NBEA: variants seen among roughly 807,000 people sequenced by gnomAD.
NBEA encodes the protein lysosomal-trafficking regulator 2.
A neutral mutation model predicts 343.4 loss-of-function variants in NBEA; 44 were observed. The observed-to-expected ratio is 0.13, with a 90% CI of 0.10 to 0.16. NBEA has a LOEUF of 0.16. Among genes scored for constraint, NBEA ranks in the 10% least tolerant of loss-of-function variants. The pLI, the probability that NBEA is intolerant of heterozygous loss-of-function variation, is 1.00. For missense variants in NBEA, 2,555 were observed against 3,631.3 expected, an observed-to-expected ratio of 0.70 and a Z score of 7.62; for synonymous variants, 1,175 against 1,238.7, an observed-to-expected ratio of 0.95 and a Z score of 1.08.
At chr13:35,646,750 A>C (rs904283520) in intron 51 of NBEA, among the ~76,000 whole-genome samples, 3 of 152,216 alleles carry the variant, frequency 2.0e-5, no homozygotes, top group Non-Finnish European at 4.4e-5. Flanking sequence ...AGTTCATTTG[A>C]ATAAAAGGAA....
At chr13:35,179,508 A>G (rs1209883258) in intron 28 of NBEA, among the ~76,000 whole-genome samples, 1 of 151,516 alleles carries the variant, frequency 6.6e-6, no homozygotes, top group South Asian at 2.1e-4. Context: ...AATAAGAAGC[A>G]CAACTGACTA....
Position 35,636,179 on chromosome 13 carries a change from C to T in NBEA, c.7617+7931C>T, listed in dbSNP as rs1377937801. On this transcript the variant is annotated intron_variant, in intron 49 of 58. Transcript: ENST00000379939. ...ACCTCAGCATAAATTAACAATTATT[C>T]AAAACATATTGCATACTTCAATTTG... 2.6e-5 allele frequency among the ~76,000 whole-genome samples: 4 copies of T among 152,156 alleles called. No homozygotes were observed. In the East Asian group the frequency reaches 7.7e-4, roughly 29 times the overall value.
intron 1 of NBEA, among the ~76,000 whole-genome samples, chr13:34,960,657 T>C (rs1361761591): frequency 6.6e-6 from 1 of 152,108 alleles, no homozygotes; most frequent in South Asian, 2.1e-4. Flanking sequence ...ATTAATACTA[T>C]TGAATTATAA....
chr13:35,190,183 A>C (rs2072073064), intron 30 of NBEA, among the ~76,000 whole-genome samples: 1 of 152,162 alleles, frequency 6.6e-6, no homozygotes, highest in South Asian at 2.1e-4. Context: ...TTTAGTGAGA[A>C]AAGCCTGTCT....
chr13:35,213,207 C>T (rs1429773912), intron 33 of NBEA, among the ~76,000 whole-genome samples: 1 of 151,930 alleles, frequency 6.6e-6, no homozygotes, highest in Non-Finnish European at 1.5e-5. Context: ...GACCCAGCAC[C>T]ATTTATTTGA....
At chr13:35,650,975 T>C (rs1269433338) in intron 52 of NBEA, among the ~76,000 whole-genome samples, 1 of 152,180 alleles carries the variant, frequency 6.6e-6, no homozygotes, top group Admixed American at 6.5e-5. Flanking sequence ...TATTTTAAGG[T>C]TATTGGTGAT....
chr13:35,569,887 A>ATCTGGT (rs1186633677), intron 45 of NBEA, among the ~76,000 whole-genome samples: 1 of 152,262 alleles, frequency 6.6e-6, no homozygotes, highest in Non-Finnish European at 1.5e-5. Flanking sequence ...TATAGAAGGC[A>ATCTGGT]TCTGGTAACA....
chr13:35,160,493 A>AG (rs961120061), intron 22 of NBEA, among the ~76,000 whole-genome samples: 5 of 152,162 alleles, frequency 3.3e-5, no homozygotes, highest in African/African-American at 1.2e-4. Flanking sequence ...TGATAAATGA[A>AG]GGGGAAGGGA....
At chr13:35,085,635 G>A (rs1229895757) in intron 10 of NBEA, among the ~76,000 whole-genome samples, 1 of 152,056 alleles carries the variant, frequency 6.6e-6, no homozygotes, top group East Asian at 1.9e-4. Context: ...CATACTGAAT[G>A]GGCAAAAACT....
intron 32 of NBEA, among the ~76,000 whole-genome samples, chr13:35,209,258 G>T (rs1178766761): frequency 6.6e-6 from 1 of 152,188 alleles, no homozygotes; most frequent in Admixed American, 6.6e-5. Context: ...GATTGGTTGA[G>T]TTCTAATATA....
intron 26 of NBEA, among the ~76,000 whole-genome samples, chr13:35,172,472 TA>T: frequency 1.3e-5 from 2 of 151,998 alleles, no homozygotes; most frequent in African/African-American, 4.8e-5. Flanking sequence ...TATATATTTT[TA>T]AAATGGCTCA....
chr13:35,352,298 G>A lies in NBEA; in HGVS notation c.6154G>A (p.Gly2052Ser). The A allele has an allele frequency of 6.6e-7, 1 of 1,516,662 alleles. No homozygotes were observed. 94.0% of individuals were successfully genotyped at this position (1,516,662 alleles called of 1,614,324 possible). A position where few individuals can be genotyped will look rare whatever the true frequency, so the allele number is the denominator to read the frequency against. The change falls in exon 38 of 59, where the codon GGT becomes AGT. Residue 2052 changes from glycine to serine, a missense_variant. Physicochemically the swap from Gly to Ser is moderately conservative, Grantham distance 56 (BLOSUM62 0). Transcript: ENST00000379939. ...KILNILTNKH[G>S]AWGAVSHSQL... ...TCTCAATATTCTCACAAATAAACAT[G>A]GTGCTTGGGGAGCAGTTTCTCATAG...
At chr13:35,197,981 A>C (rs1002831625) in intron 31 of NBEA, among the ~76,000 whole-genome samples, 2 of 152,218 alleles carry the variant, frequency 1.3e-5, no homozygotes, top group African/African-American at 4.8e-5. Context: ...TAGTAAGAAG[A>C]TGTTTGCAAA....
intron 38 of NBEA, among the ~76,000 whole-genome samples, chr13:35,383,811 T>G (rs533690620): frequency 3.1e-4 from 47 of 152,282 alleles, no homozygotes; most frequent in African/African-American, 1.0e-3. Context: ...GTAAAATTTT[T>G]ATCAGTATTT....
intron 11 of NBEA, among the ~76,000 whole-genome samples, chr13:35,100,171 ATTAT>A (rs534481863): frequency 1.3e-5 from 2 of 152,152 alleles, no homozygotes; most frequent in African/African-American, 2.4e-5. Context: ...TCAATTGAAT[ATTAT>A]TTAGTCACAA....
At chr13:35,503,775 A>G (rs1255612974) in intron 41 of NBEA, among the ~76,000 whole-genome samples, 3 of 152,070 alleles carry the variant, frequency 2.0e-5, no homozygotes, top group African/African-American at 7.2e-5. Context: ...TCCTTTGTCA[A>G]TATAGGTATT....
chr13:35,156,058 AC>A (rs1236811600), intron 19 of NBEA, 24 bp from the exon 20 acceptor site: 1 of 1,559,270 alleles, frequency 6.4e-7, no homozygotes, highest in Non-Finnish European at 8.6e-7. Context: ...TTACAAATCT[AC>A]AAGTTTTTTT....
chr13:35,508,192 A>G (rs556495315), intron 41 of NBEA, among the ~76,000 whole-genome samples: 5 of 152,296 alleles, frequency 3.3e-5, no homozygotes, highest in African/African-American at 1.2e-4. Flanking sequence ...TCCTTGGACC[A>G]TCACATATGA....
intron 35 of NBEA, among the ~76,000 whole-genome samples, chr13:35,296,791 T>A (rs1342171326): frequency 6.6e-6 from 1 of 152,106 alleles, no homozygotes; most frequent in East Asian, 1.9e-4. Context: ...CATTCTCTTT[T>A]TTGGTGGTAA....
Sources: allele counts gnomAD v4.1 joint callset (sites outside exome capture counted in the v4.1 genomes callset), GRCh38; gene constraint gnomAD v4.1.1; transcripts MANE v1.5; gene names NCBI Gene and HGNC (gene_info 2026-07-23, HGNC 2026-07-21).